ATG16L2: variants seen among roughly 807,000 people sequenced by gnomAD.
ATG16L2 encodes autophagy related 16 like 2.
ATG16L2 carries 77 observed loss-of-function variants against 84.7 expected under a neutral mutation model. That is an observed-to-expected ratio of 0.91 (90% CI 0.76 to 1.10). The LOEUF (loss-of-function observed/expected upper bound fraction) is 1.10, where lower values mean the gene tolerates loss of function less well. Ranked by LOEUF, ATG16L2 falls within the 50% of genes least tolerant of loss-of-function variation. ATG16L2 has a pLI of 0.00. For synonymous variants in ATG16L2, 361 were observed against 342.8 expected (o/e 1.05, Z -0.59); for missense variants, 782 against 817.6 (o/e 0.96, Z 0.53).
At chr11:72,828,635 A>T in intron 15 of ATG16L2, 94 bp from the exon 16 acceptor site, 1 of 1,594,302 alleles carries the variant, frequency 6.3e-7, no homozygotes, top group Non-Finnish European at 8.6e-7. Context: ...TGAGGTACCA[A>T]ACCCCTCGAC....
chr11:72,831,603 C>G (rs1860608808), downstream of ATG16L2, among the ~76,000 whole-genome samples: 1 of 152,332 alleles, frequency 6.6e-6, no homozygotes, highest in East Asian at 1.9e-4. Context: ...TCTACTCTGC[C>G]CCAGCCCTCA....
At chr11:72,834,566 A>G (rs1283869792), downstream of ATG16L2, among the ~76,000 whole-genome samples, 1 of 151,514 alleles carries the variant, frequency 6.6e-6, no homozygotes, top group East Asian at 1.9e-4. Flanking sequence ...AAGCCCTGGG[A>G]GATAACCTCA....
intron 8 of ATG16L2, chr11:72,824,482 C>T (rs903190681): frequency 1.2e-5 from 7 of 565,894 alleles, no homozygotes; most frequent in Admixed American, 9.4e-5. Context: ...ATTGAAACCC[C>T]GGCCCTGAGG....
downstream of ATG16L2, among the ~76,000 whole-genome samples, chr11:72,833,418 G>C (rs1462946575): frequency 1.3e-5 from 2 of 152,178 alleles, no homozygotes; most frequent in Non-Finnish European, 2.9e-5. Context: ...CTACTTTACA[G>C]ATGAGGAAAG....
At position 72,843,124 on chromosome 11, in the gene ATG16L2, TAA is replaced by T. The variant is rs1332719484; in HGVS notation, c.*531_*532del. The T allele has an allele frequency of 5.6e-6, 9 of 1,611,392 alleles. No individual in the cohort carries two copies. The African/African-American group carries it at 1.1e-4, about 19-fold the overall frequency. ...ACAGTTTAGGTCAAACGTGACCAAA[TAA>T]AGAGTGCCTTGTTTCAGTCTTTACC... On this transcript the variant is annotated 3_prime_UTR_variant, in exon 6 of 6. Transcript: ENST00000534905.
At chr11:72,823,155 C>A in intron 7 of ATG16L2, 194 bp downstream of exon 7, 1 of 544,584 alleles carries the variant, frequency 1.8e-6, no homozygotes, top group Non-Finnish European at 3.3e-6. Context: ...CCATCTCACC[C>A]CCCCAACCCC....
At chr11:72,823,577 G>A in intron 7 of ATG16L2, 2 of 426,020 alleles carry the variant, frequency 4.7e-6, no homozygotes, top group South Asian at 3.4e-5. Flanking sequence ...TCCAGGCCTT[G>A]GGGCAGTGAA....
chr11:72,827,102 C>T, intron 13 of ATG16L2, 86 bp from the exon 14 acceptor site: 2 of 1,105,018 alleles, frequency 1.8e-6, no homozygotes, highest in South Asian at 2.7e-5. Flanking sequence ...ACACTGGGTT[C>T]TGGGCCTCAG....
At chr11:72,828,628 G>C in intron 15 of ATG16L2, 101 bp from the exon 16 acceptor site, 1 of 1,592,224 alleles carries the variant, frequency 6.3e-7, no homozygotes, top group Non-Finnish European at 8.6e-7. Context: ...GTCCTGCTGA[G>C]GTACCAAACC....
rs1017414597 is a variant in ATG16L2 at position 72,828,712 on chromosome 11, G to A, written c.1623-17G>A. The A allele has an allele frequency of 7.4e-6, 12 of 1,614,034 alleles. No homozygotes were observed. Among genetic ancestry groups the A allele is most frequent in the Admixed American group, 5.0e-5 (3 of 59,994 alleles). On this transcript the variant is annotated splice_polypyrimidine_tract_variant and intron_variant, in intron 15 of 17. Transcript: ENST00000321297. ...AGTGATGACCTCTGTTCTGACCCCA[G>A]CCCTGTCTGTCCTCAGGGCCGATGG...
intron 14 of ATG16L2, 137 bp from the exon 15 acceptor site, chr11:72,828,222 C>G (rs556004301): frequency 1.6e-4 from 150 of 918,248 alleles, no homozygotes; most frequent in Non-Finnish European, 1.6e-4. Context: ...TCACTCGCAG[C>G]CTTTACCCCA....
chr11:72,822,483 A>G lies in ATG16L2; in HGVS notation c.650A>G (p.Lys217Arg), dbSNP rs1565264722. The G allele has an allele frequency of 1.2e-6, 2 of 1,612,860 alleles. No homozygotes were observed. The highest frequency in any genetic ancestry group is 2.7e-5 in the African/African-American group (2 of 74,810). Residue 217 changes from lysine (K) to arginine (R), a missense_variant, in exon 6 of 18, where the codon AAG becomes AGG. By Grantham distance (26) the Lys-to-Arg change is conservative. Transcript: ENST00000321297. The surrounding 1 kb of genome is among the most constrained non-coding windows in gnomAD (Gnocchi z 4.2). ...NLRNERRERA[K>R]QARVSQELKK... ...GATGCTTTTTACCCAACAAGGGCCA[A>G]GCAGGCGCGGGTGTCCCAGGAGCTG... is the stretch of plus-strand genomic sequence containing the variant.
chr11:72,824,068 C>T lies in ATG16L2; in HGVS notation c.833C>T (p.Ser278Leu), dbSNP rs1192780998. 6.2e-7 allele frequency: 1 copy of T among 1,614,250 alleles called. No homozygotes were observed. Among genetic ancestry groups the T allele is most frequent in the South Asian group, 1.1e-5 (1 of 91,082 alleles). Residue 278 changes from serine to leucine, a missense_variant, in exon 8 of 18, where the codon TCA (serine) becomes TTA (leucine). Physicochemically the swap from Ser to Leu is moderately radical, Grantham distance 145. Transcript: ENST00000321297. The stretch of plus-strand genomic sequence containing the variant: ...TCTTGGTTTTGTCTCAGGTCTGCCT[C>T]AGCCACCTCCCTGACGCTGTCCCAC... ...EKWKRPFRSA[S>L]ATSLTLSHCV... is the part of the protein sequence containing the mutation.
At chr11:72,820,948 C>T (rs1859957518) in intron 3 of ATG16L2, among the ~76,000 whole-genome samples, 1 of 152,168 alleles carries the variant, frequency 6.6e-6, no homozygotes, top group Non-Finnish European at 1.5e-5. Context: ...CCCTGGCTCC[C>T]CGAGTCCATG....
At chr11:72,838,679 G>T in intron 5 of ATG16L2, 2 of 845,068 alleles carry the variant, frequency 2.4e-6, no homozygotes, top group Non-Finnish European at 3.9e-6. Flanking sequence ...AATCCTCCTT[G>T]TTTTTTGCTC....
intron 3 of ATG16L2, 184 bp from the exon 4 acceptor site, chr11:72,821,484 C>A (rs1565262781): frequency 7.1e-7 from 1 of 1,410,204 alleles, no homozygotes; most frequent in South Asian, 1.5e-5. Flanking sequence ...GCCCGAGGGC[C>A]TTCCACTGCT....
At chr11:72,832,405 A>G (rs142677944), downstream of ATG16L2, among the ~76,000 whole-genome samples, 605 of 152,272 alleles carry the variant, frequency 4.0e-3, 3 homozygotes, top group Non-Finnish European at 6.5e-3. Context: ...CTGGAGGAAC[A>G]AGTCTGTAAG....
chr11:72,828,295 C>G, intron 14 of ATG16L2, 64 bp from the exon 15 acceptor site: 1 of 1,585,166 alleles, frequency 6.3e-7, no homozygotes, highest in African/African-American at 1.3e-5. Flanking sequence ...GCGCCTGGCC[C>G]CTTCCTGTCA....
chr11:72,830,176 C>G (rs1860575875), downstream of ATG16L2, among the ~76,000 whole-genome samples: 1 of 152,140 alleles, frequency 6.6e-6, no homozygotes, highest in African/African-American at 2.4e-5. Flanking sequence ...CAAGGCAGAG[C>G]CCACAGGGCA....
Sources: allele counts gnomAD v4.1 joint callset (sites outside exome capture counted in the v4.1 genomes callset), GRCh38; gene constraint gnomAD v4.1.1; non-coding constraint Gnocchi (gnomAD v3.1); transcripts MANE v1.5; gene names NCBI Gene and HGNC (gene_info 2026-07-23, HGNC 2026-07-21).